GARNL3: variants seen among roughly 807,000 people sequenced by gnomAD.
GARNL3 encodes the protein GTPase-activating Rap/Ran-GAP domain-like protein 3.
In GARNL3, 63 loss-of-function variants were observed where a neutral mutation model predicts 125.0. The ratio of observed to expected loss-of-function variants is 0.50; its 90% CI spans 0.41 to 0.62. GARNL3 has a LOEUF of 0.62. GARNL3 is among the 20% of genes least tolerant of loss of function. GARNL3 has a pLI of 0.00. For missense variants in GARNL3, 994 were observed against 1,244.0 expected, an observed-to-expected ratio of 0.80 and a Z score of 3.02; for synonymous variants, 439 against 457.5, an observed-to-expected ratio of 0.96 and a Z score of 0.52.
intron 2 of GARNL3, among the ~76,000 whole-genome samples, chr9:127,303,092 A>G (rs1418627514): frequency 6.6e-6 from 1 of 152,200 alleles, no homozygotes; most frequent in Non-Finnish European, 1.5e-5. Context: ...CAGAGCTTGC[A>G]GTGAGCCAAG....
chr9:127,390,525 C>A, intron 26 of GARNL3, 116 bp from the exon 27 acceptor site: 1 of 884,982 alleles, frequency 1.1e-6, no homozygotes, highest in Non-Finnish European at 1.8e-6. Flanking sequence ...TATCATCTTT[C>A]TTCCTGACTC....
At chr9:127,337,115 T>C (rs1193458062) in intron 11 of GARNL3, among the ~76,000 whole-genome samples, 1 of 152,186 alleles carries the variant, frequency 6.6e-6, no homozygotes, top group Non-Finnish European at 1.5e-5. Flanking sequence ...CTTTCTTCCA[T>C]GAGGGTAGGG....
At chr9:127,337,633 C>T (rs1829626293) in intron 11 of GARNL3, among the ~76,000 whole-genome samples, 1 of 152,162 alleles carries the variant, frequency 6.6e-6, no homozygotes, top group African/African-American at 2.4e-5. Flanking sequence ...TCAGAATCTG[C>T]CACCAGCTAC....
chr9:127,384,353 G>T lies in GARNL3; in HGVS notation c.2270-674G>T, dbSNP rs908061716. 1.3e-5 allele frequency among the ~76,000 whole-genome samples: 2 copies of T among 152,084 alleles called. No homozygotes were observed. The highest frequency in any genetic ancestry group is 2.9e-5 in the Non-Finnish European group (2 of 68,012). ...CATGGAAAGAGTGCAGAGAGAGCCAGTGCGAAGAAGGGGACAACACGAAGT... is the reference window on the plus strand; with the variant it reads ...CATGGAAAGAGTGCAGAGAGAGCCATTGCGAAGAAGGGGACAACACGAAGT... On this transcript the variant is annotated intron_variant, in intron 23 of 27. Transcript: ENST00000373387. The surrounding 1 kb of genome is among the most constrained non-coding windows in gnomAD (Gnocchi z 4.0).
At chr9:127,353,326 C>T (rs372839426) in intron 17 of GARNL3, among the ~76,000 whole-genome samples, 30 of 152,204 alleles carry the variant, frequency 2.0e-4, no homozygotes, top group East Asian at 5.8e-4. Flanking sequence ...GCTACAAACA[C>T]GGGACATATT....
intron 2 of GARNL3, among the ~76,000 whole-genome samples, chr9:127,244,813 G>A (rs1323962141): frequency 1.3e-5 from 2 of 152,182 alleles, no homozygotes; most frequent in Non-Finnish European, 2.9e-5. Flanking sequence ...GCGAAGCCAG[G>A]AGTCACTGTT....
chr9:127,291,390 C>A, intron 2 of GARNL3, 148 bp downstream of exon 2: 1 of 696,304 alleles, frequency 1.4e-6, no homozygotes, highest in Non-Finnish European at 2.5e-6. Flanking sequence ...AGTATTCTGG[C>A]ATGGAAGGTG....
chr9:127,306,948 C>A (rs1356442945), intron 2 of GARNL3, among the ~76,000 whole-genome samples: 4 of 152,000 alleles, frequency 2.6e-5, no homozygotes, highest in Non-Finnish European at 5.9e-5. Flanking sequence ...TAGCAGCAGG[C>A]CTCATAAATA....
Position 127,388,997 on chromosome 9 carries a change from A to G in GARNL3, c.2621A>G (p.Lys874Arg), listed in dbSNP as rs1430705508. The change falls in exon 26 of 28, where the codon AAG (lysine) becomes AGG (arginine). Residue 874 changes from lysine (K) to arginine (R), a missense_variant. Coordinates refer to ENST00000373387, the MANE Select transcript of GARNL3 (RefSeq NM_032293.5). Reference sequence around the variant, plus strand: ...CCTCTGAAGTCACCCTTAGTCTCCAAGGTCATCACCCCACCCACTCCCATC... The same window carrying G: ...CCTCTGAAGTCACCCTTAGTCTCCAGGGTCATCACCCCACCCACTCCCATC... ...ERPLKSPLVS[K>R]VITPPTPISV... 2 of 1,613,790 alleles carry G rather than the reference A, an allele frequency of 1.2e-6. No individual in the cohort carries two copies. Among genetic ancestry groups the G allele is most frequent in the African/African-American group, 2.7e-5 (2 of 75,030 alleles).
chr9:127,241,608 G>A (rs998557177), intron 1 of GARNL3, among the ~76,000 whole-genome samples: 1 of 152,124 alleles, frequency 6.6e-6, no homozygotes, highest in South Asian at 2.1e-4. Flanking sequence ...AAGGCAATGG[G>A]GGAAGCCAGG....
At chr9:127,305,118 C>T (rs913386085) in intron 2 of GARNL3, among the ~76,000 whole-genome samples, 23 of 152,222 alleles carry the variant, frequency 1.5e-4, no homozygotes, top group African/African-American at 5.5e-4. Flanking sequence ...TCTCTTTTGG[C>T]ATGTGGTTGA....
At chr9:127,245,666 C>A (rs2063288796) in intron 2 of GARNL3, among the ~76,000 whole-genome samples, 1 of 152,264 alleles carries the variant, frequency 6.6e-6, no homozygotes. Flanking sequence ...AACTCCTTCA[C>A]TGAACAAATA....
chr9:127,366,481 C>G (rs1371819595), intron 22 of GARNL3, among the ~76,000 whole-genome samples: 1 of 152,228 alleles, frequency 6.6e-6, no homozygotes, highest in African/African-American at 2.4e-5. Context: ...CCCTGCATCC[C>G]CAGGTTTATG....
intron 2 of GARNL3, among the ~76,000 whole-genome samples, chr9:127,297,217 A>G (rs1240169511): frequency 6.6e-6 from 1 of 151,924 alleles, no homozygotes; most frequent in Non-Finnish European, 1.5e-5. Flanking sequence ...TGGCTCAATG[A>G]AGCCTCGACC....
chr9:127,231,101 C>T (rs1445772257), intron 1 of GARNL3, among the ~76,000 whole-genome samples: 2 of 133,156 alleles, frequency 1.5e-5, no homozygotes, highest in Admixed American at 1.6e-4. Context: ...GTCACCCAGG[C>T]TGGAGTGCAG....
intron 1 of GARNL3, among the ~76,000 whole-genome samples, chr9:127,231,229 T>TTG (rs1554887542): frequency 1.1e-4 from 2 of 18,040 alleles, no homozygotes; most frequent in Non-Finnish European, 1.6e-4. Flanking sequence ...TAATTTTTTG[T>TTG]TTTTTTTTTT....
At chr9:127,233,726 G>T (rs2063061959) in intron 1 of GARNL3, among the ~76,000 whole-genome samples, 1 of 152,158 alleles carries the variant, frequency 6.6e-6, no homozygotes. Flanking sequence ...TATTAGTAAT[G>T]CATAGAACCC....
chr9:127,285,379 C>T (rs1470720009), intron 1 of GARNL3, among the ~76,000 whole-genome samples: 1 of 152,180 alleles, frequency 6.6e-6, no homozygotes, highest in Non-Finnish European at 1.5e-5. Flanking sequence ...GTTGAGATCA[C>T]GCCATTGCAC....
At chr9:127,300,436 C>G in intron 2 of GARNL3, 1 of 409,534 alleles carries the variant, frequency 2.4e-6, no homozygotes, top group South Asian at 1.8e-5. Flanking sequence ...GTTCCTTGAC[C>G]CTCATTAATT....
Sources: allele counts gnomAD v4.1 joint callset (sites outside exome capture counted in the v4.1 genomes callset), GRCh38; gene constraint gnomAD v4.1.1; non-coding constraint Gnocchi (gnomAD v3.1); transcripts MANE v1.5; gene names NCBI Gene and HGNC (gene_info 2026-07-23, HGNC 2026-07-21).